SHROOM3: variants seen among roughly 807,000 people sequenced by gnomAD.
The protein encoded by SHROOM3 is protein Shroom3.
A neutral mutation model predicts 138.6 loss-of-function variants in SHROOM3; 47 were observed. The observed-to-expected ratio is 0.34, with a 90% CI of 0.27 to 0.43. The LOEUF is 0.43. SHROOM3 is among the 20% of genes least tolerant of loss of function. The pLI is 1.00. For missense variants in SHROOM3, 2,491 were observed against 2,596.5 expected, an observed-to-expected ratio of 0.96 and a Z score of 0.88; for synonymous variants, 1,062 against 1,063.3, an observed-to-expected ratio of 1.00 and a Z score of 0.02.
chr4:76,488,002 G>A (rs923345170), intron 1 of SHROOM3, among the ~76,000 whole-genome samples: 5 of 152,010 alleles, frequency 3.3e-5, no homozygotes, highest in Non-Finnish European at 5.9e-5. Flanking sequence ...GTGTCATCTT[G>A]GTTTCTATGT....
At chr4:76,703,487 C>T (rs1351728958) in intron 2 of SHROOM3, among the ~76,000 whole-genome samples, 1 of 152,072 alleles carries the variant, frequency 6.6e-6, no homozygotes, top group Non-Finnish European at 1.5e-5. Flanking sequence ...TGAAGAGCAC[C>T]TATGTTTGGC....
intron 1 of SHROOM3, among the ~76,000 whole-genome samples, chr4:76,455,335 G>A (rs1258551646): frequency 6.6e-6 from 1 of 151,940 alleles, no homozygotes; most frequent in African/African-American, 2.4e-5. Context: ...AGTATCAAAA[G>A]ATGGATAAAT....
chr4:76,604,818 CT>C (rs1293640647), intron 2 of SHROOM3, among the ~76,000 whole-genome samples: 1 of 152,122 alleles, frequency 6.6e-6, no homozygotes, highest in Admixed American at 6.5e-5. Context: ...GGAATTTATT[CT>C]GTTGATTTTA....
intron 1 of SHROOM3, among the ~76,000 whole-genome samples, chr4:76,453,536 G>C (rs1053596879): frequency 6.6e-6 from 1 of 151,934 alleles, no homozygotes; most frequent in South Asian, 2.1e-4. Context: ...CAAAGTGCTG[G>C]GATGAGCCAC....
chr4:76,741,180 G>T lies in SHROOM3; in HGVS notation c.3007G>T (p.Ala1003Ser), dbSNP rs754683739. The change falls in exon 5 of 11, where the codon GCC (alanine) becomes TCC (serine). Residue 1003 changes from alanine (A) to serine (S), a missense_variant. Physicochemically the swap from Ala to Ser is moderately conservative, Grantham distance 99. Coordinates refer to ENST00000296043, the MANE Select transcript of SHROOM3 (RefSeq NM_020859.4). This position sits in a 1 kb window ranked among gnomAD's most constrained non-coding sequence, Gnocchi z 6.2. ...CCTGGCCAGGCCCGTGCCCCCTGCC[G>T]CCCGGAGAGGTGCTCGCCGGCGCCT... is the stretch of plus-strand genomic sequence containing the variant. ...GDLARPVPPA[A>S]RRGARRRLTP... 1.3e-6 allele frequency: 2 copies of T among 1,590,918 alleles called. No homozygotes were observed. The highest frequency in any genetic ancestry group is 1.7e-6 in the Non-Finnish European group (2 of 1,169,852).
intron 1 of SHROOM3, among the ~76,000 whole-genome samples, chr4:76,553,560 G>A (rs1464017344): frequency 6.6e-6 from 1 of 152,092 alleles, no homozygotes; most frequent in Non-Finnish European, 1.5e-5. Flanking sequence ...ACAGGCATGA[G>A]ACACCGCACG....
At chr4:76,756,985 C>T in intron 8 of SHROOM3, 48 bp downstream of exon 8, 4 of 1,612,606 alleles carry the variant, frequency 2.5e-6, no homozygotes, top group Non-Finnish European at 3.4e-6. Context: ...CACACTCCTT[C>T]CATGGGGATG....
intron 2 of SHROOM3, among the ~76,000 whole-genome samples, chr4:76,579,019 T>TA (rs1733991849): frequency 7.9e-5 from 12 of 151,700 alleles, no homozygotes; most frequent in African/African-American, 2.9e-4. Flanking sequence ...TTTAAAAAAT[T>TA]TAAAAAAAAA....
At chr4:76,552,751 T>C (rs1733392015) in intron 1 of SHROOM3, among the ~76,000 whole-genome samples, 1 of 150,974 alleles carries the variant, frequency 6.6e-6, no homozygotes, top group Non-Finnish European at 1.5e-5. Flanking sequence ...TTGAGACCTA[T>C]TGAAGGTTTT....
intron 2 of SHROOM3, among the ~76,000 whole-genome samples, chr4:76,641,467 G>A (rs1269073881): frequency 1.3e-5 from 2 of 152,118 alleles, no homozygotes; most frequent in African/African-American, 2.4e-5. Context: ...TAGGAAGGAA[G>A]CCTTTGTGTA....
At chr4:76,472,740 G>A (rs1011669373) in intron 1 of SHROOM3, among the ~76,000 whole-genome samples, 3 of 150,882 alleles carry the variant, frequency 2.0e-5, no homozygotes, top group Non-Finnish European at 4.4e-5. Flanking sequence ...TGTCGCCCAC[G>A]CTGGAGTGCA....
chr4:76,627,662 T>C (rs1735185043), intron 2 of SHROOM3, among the ~76,000 whole-genome samples: 1 of 136,960 alleles, frequency 7.3e-6, no homozygotes, highest in African/African-American at 2.6e-5. Flanking sequence ...TTTGCAAAAG[T>C]CTTTTTTTTT....
chr4:76,627,979 C>T (rs1159351388), intron 2 of SHROOM3, among the ~76,000 whole-genome samples: 1 of 152,206 alleles, frequency 6.6e-6, no homozygotes, highest in Non-Finnish European at 1.5e-5. Context: ...ATGAGAATGT[C>T]CTTTCAGGTG....
chr4:76,747,108 G>A (rs751445205), intron 5 of SHROOM3, among the ~76,000 whole-genome samples: 27 of 152,064 alleles, frequency 1.8e-4, no homozygotes, highest in Admixed American at 1.6e-3. Flanking sequence ...GTGAGCCACC[G>A]CGCCCGACCA....
At chr4:76,737,721 CTTG>C (rs1321967723) in intron 4 of SHROOM3, among the ~76,000 whole-genome samples, 10 of 152,030 alleles carry the variant, frequency 6.6e-5, no homozygotes, top group Admixed American at 2.0e-4. Context: ...TCCCTAGTAT[CTTG>C]TTGTTTTAAT....
chr4:76,703,405 G>C (rs1444277399), intron 2 of SHROOM3, among the ~76,000 whole-genome samples: 1 of 150,868 alleles, frequency 6.6e-6, no homozygotes, highest in Non-Finnish European at 1.5e-5. Flanking sequence ...AGGAACAAGG[G>C]GGCCTTTTAA....
At chr4:76,731,564 T>G (rs555758843) in intron 4 of SHROOM3, among the ~76,000 whole-genome samples, 15 of 152,190 alleles carry the variant, frequency 9.9e-5, no homozygotes, top group Admixed American at 5.2e-4. Context: ...GCGGATCACC[T>G]GAGGTCAGGA....
chr4:76,766,938 T>C (rs1375567620), intron 9 of SHROOM3, among the ~76,000 whole-genome samples: 1 of 152,228 alleles, frequency 6.6e-6, no homozygotes, highest in Non-Finnish European at 1.5e-5. Flanking sequence ...AATCAGGTTC[T>C]TTCCACAGAA....
chr4:76,527,243 T>A (rs1359271551), intron 1 of SHROOM3, among the ~76,000 whole-genome samples: 1 of 152,178 alleles, frequency 6.6e-6, no homozygotes, highest in Non-Finnish European at 1.5e-5. Flanking sequence ...TCATAAAATT[T>A]GCTTTTATTT....
Sources: gnomAD v4.1 joint callset for allele counts (sites outside exome capture counted in the v4.1 genomes callset) on GRCh38, gnomAD v4.1.1 for gene constraint, Gnocchi (gnomAD v3.1) non-coding constraint, MANE v1.5 for transcripts, NCBI Gene and HGNC (gene_info 2026-07-23, HGNC 2026-07-21) for gene names.